Variants in MEI4 observed in about 807,000 individuals in gnomAD.
MEI4 encodes the protein meiosis-specific protein MEI4.
MEI4 carries 27 observed loss-of-function variants against 31.4 expected under a neutral mutation model. The observed-to-expected ratio is 0.86, with a 90% CI of 0.63 to 1.19. The LOEUF (loss-of-function observed/expected upper bound fraction) is 1.19. MEI4 is among the 50% of genes most tolerant of loss of function. The pLI is 0.00. For synonymous variants in MEI4, 122 were observed against 145.4 expected (o/e 0.84, Z 1.16); for missense variants, 329 against 398.9 (o/e 0.82, Z 1.49).
At chr6:77,733,719 T>C (rs964482069) in intron 2 of MEI4, among the ~76,000 whole-genome samples, 1 of 152,022 alleles carries the variant, frequency 6.6e-6, no homozygotes, top group Non-Finnish European at 1.5e-5. Flanking sequence ...ATTGTGATGT[T>C]AGGGTGTCAA....
At chr6:77,760,146 TATAGAC>T (rs1020144755) in intron 2 of MEI4, among the ~76,000 whole-genome samples, 7 of 152,098 alleles carry the variant, frequency 4.6e-5, no homozygotes, top group Non-Finnish European at 8.8e-5. Context: ...TTCTAGAAGT[TATAGAC>T]ATAGTTTCAT....
chr6:77,760,279 A>C (rs914239338), intron 2 of MEI4, among the ~76,000 whole-genome samples: 1 of 152,112 alleles, frequency 6.6e-6, no homozygotes, highest in Non-Finnish European at 1.5e-5. Flanking sequence ...AGAGATATGT[A>C]GATATCTATA....
At chr6:77,709,561 T>C (rs1330904515) in intron 2 of MEI4, among the ~76,000 whole-genome samples, 10 of 152,212 alleles carry the variant, frequency 6.6e-5, no homozygotes, top group Non-Finnish European at 1.3e-4. Flanking sequence ...GTAAAAATAA[T>C]GCTTCTGATC....
chr6:77,886,860 T>G (rs1771632111), intron 4 of MEI4, among the ~76,000 whole-genome samples: 1 of 152,200 alleles, frequency 6.6e-6, no homozygotes, highest in African/African-American at 2.4e-5. Flanking sequence ...TCTTTTTTGG[T>G]TGCCCAGCTA....
chr6:77,830,923 G>T (rs1038169572), intron 4 of MEI4, among the ~76,000 whole-genome samples: 1 of 151,904 alleles, frequency 6.6e-6, no homozygotes, highest in South Asian at 2.1e-4. Context: ...AAGGCAAAAT[G>T]CTTCTGCACA....
chr6:77,801,504 CTGAGT>C lies in MEI4; in HGVS notation c.769-27425_769-27421del, dbSNP rs1412241628. 7.9e-5 allele frequency among the ~76,000 whole-genome samples: 12 copies of C among 152,188 alleles called. No individual in the cohort carries two copies. The South Asian group carries it at 2.3e-3, about 29-fold the overall frequency. On this transcript the variant is annotated intron_variant, in intron 3 of 4. Coordinates refer to ENST00000684080, the MANE Select transcript of MEI4 (RefSeq NM_001322247.2). ...CTATTTCCTTCAGTTCTGCTCTGAT[CTGAGT>C]TATTTCTTGCCTTCTGCTAGCTTTT...
chr6:77,751,084 A>C (rs143045344), intron 2 of MEI4, among the ~76,000 whole-genome samples: 1 of 152,314 alleles, frequency 6.6e-6, no homozygotes, highest in Non-Finnish European at 1.5e-5. Flanking sequence ...ACAAAGACAA[A>C]ATGTGCCAGA....
At chr6:77,754,112 G>A (rs932407113) in intron 2 of MEI4, among the ~76,000 whole-genome samples, 1 of 151,918 alleles carries the variant, frequency 6.6e-6, no homozygotes, top group African/African-American at 2.4e-5. Flanking sequence ...GGTTAGGGGG[G>A]TTCTGGGGAG....
At chr6:77,663,318 G>A (rs1485641443) in intron 1 of MEI4, among the ~76,000 whole-genome samples, 1 of 152,098 alleles carries the variant, frequency 6.6e-6, no homozygotes, top group African/African-American at 2.4e-5. Flanking sequence ...AGTGGGGTAA[G>A]GGTGATTAGG....
chr6:77,918,884 A>T (rs113802813), intron 4 of MEI4, among the ~76,000 whole-genome samples: 124 of 152,258 alleles, frequency 8.1e-4, no homozygotes, highest in African/African-American at 2.9e-3. Context: ...TTGCCCATTC[A>T]GTATGATATT....
intron 2 of MEI4, among the ~76,000 whole-genome samples, chr6:77,694,253 T>C (rs980662046): frequency 2.0e-5 from 3 of 151,860 alleles, no homozygotes; most frequent in Admixed American, 2.0e-4. Context: ...TTTTATTATT[T>C]ATTTATTTTA....
chr6:77,821,585 C>G (rs186488536), intron 3 of MEI4, among the ~76,000 whole-genome samples: 1 of 151,946 alleles, frequency 6.6e-6, no homozygotes, highest in African/African-American at 2.4e-5. Context: ...CACCTGAGGT[C>G]AGGAGTTCAA....
At chr6:77,863,819 G>A (rs2127722190) in intron 4 of MEI4, among the ~76,000 whole-genome samples, 1 of 152,268 alleles carries the variant, frequency 6.6e-6, no homozygotes, top group Middle Eastern at 3.4e-3. Context: ...AATGTTAAGG[G>A]CAGCCAGAGA....
At chr6:77,749,615 T>A (rs1455537463) in intron 2 of MEI4, among the ~76,000 whole-genome samples, 5 of 143,916 alleles carry the variant, frequency 3.5e-5, no homozygotes, top group Admixed American at 1.4e-4. Flanking sequence ...AATATGGGAC[T>A]GTGTGAAAAG....
rs145297816 is a variant in MEI4, at chr6:77,779,820, C to G, written c.768+18155C>G. Among the ~76,000 whole-genome samples the G allele has an allele frequency of 9.5e-3, 1,448 of 152,184 alleles. 5 individuals carry two copies. The highest frequency in any genetic ancestry group is 0.015 in the South Asian group (73 of 4,814). ...GCAGATGGCTGTGGTTGTTCATGTT[C>G]ATTTTGAGAGTTAACACTTTAAAAT... On this transcript the variant is annotated intron_variant, in intron 3 of 4. Coordinates refer to ENST00000684080, the MANE Select transcript of MEI4 (RefSeq NM_001322247.2).
intron 4 of MEI4, among the ~76,000 whole-genome samples, chr6:77,918,018 A>T (rs1481295290): frequency 6.6e-6 from 1 of 151,822 alleles, no homozygotes; most frequent in South Asian, 2.1e-4. Context: ...CATATATTAA[A>T]TAGGGAATCC....
chr6:77,715,800 G>A (rs1012908995), intron 2 of MEI4, among the ~76,000 whole-genome samples: 9 of 152,100 alleles, frequency 5.9e-5, no homozygotes, highest in Non-Finnish European at 1.2e-4. Flanking sequence ...TTAACGTCAC[G>A]TGATGAGTTA....
At chr6:77,907,586 T>C (rs1173442852) in intron 4 of MEI4, among the ~76,000 whole-genome samples, 2 of 152,204 alleles carry the variant, frequency 1.3e-5, no homozygotes, top group African/African-American at 2.4e-5. Flanking sequence ...GGAATAGTGC[T>C]GCAATAAACA....
intron 2 of MEI4, among the ~76,000 whole-genome samples, chr6:77,732,992 G>A (rs866286318): frequency 6.6e-6 from 1 of 151,536 alleles, no homozygotes; most frequent in Middle Eastern, 3.2e-3. Flanking sequence ...TGATGATGGT[G>A]GATAAGCTTT....
Sources: gnomAD v4.1 joint callset for allele counts (sites outside exome capture counted in the v4.1 genomes callset) on GRCh38, gnomAD v4.1.1 for gene constraint, MANE v1.5 for transcripts, NCBI Gene and HGNC (gene_info 2026-07-23, HGNC 2026-07-21) for gene names.